SERPINA9: variants seen among roughly 807,000 people sequenced by gnomAD.
SERPINA9 encodes the protein serpin family A member 9.
In SERPINA9, 32 loss-of-function variants were observed where a neutral mutation model predicts 24.5. That is an observed-to-expected ratio of 1.30 (90% CI 0.98 to 1.75). SERPINA9 has a LOEUF of 1.75. SERPINA9 is among the 40% of genes most tolerant of loss of function. The probability of loss-of-function intolerance (pLI) is 0.00; values close to 1 mark genes in which losing one functional copy is unlikely to be tolerated. For synonymous variants in SERPINA9, 233 were observed against 197.7 expected (o/e 1.18, Z -1.50); for missense variants, 594 against 497.1 (o/e 1.19, Z -1.85).
At chr14:94,470,818 G>C (rs1365776901) in intron 1 of SERPINA9, among the ~76,000 whole-genome samples, 2 of 152,164 alleles carry the variant, frequency 1.3e-5, no homozygotes, top group Non-Finnish European at 2.9e-5. Flanking sequence ...GGTCTCCCCA[G>C]CCCTGCCTAC....
intron 1 of SERPINA9, among the ~76,000 whole-genome samples, chr14:94,472,628 G>A (rs962242745): frequency 1.3e-5 from 2 of 152,284 alleles, no homozygotes; most frequent in African/African-American, 4.8e-5. Context: ...AGAGAGACAG[G>A]GTCCTTGTTC....
intron 3 of SERPINA9, 49 bp from the exon 4 acceptor site, chr14:94,464,903 T>C (rs1386981774): frequency 7.3e-6 from 11 of 1,512,058 alleles, no homozygotes; most frequent in Non-Finnish European, 9.0e-6. Context: ...CCATGGTGTC[T>C]GCATCTCTGC....
chr14:94,476,107 C>T (rs566464899), intron 1 of SERPINA9, 29 bp downstream of exon 1: 32 of 1,613,994 alleles, frequency 2.0e-5, no homozygotes, highest in East Asian at 1.3e-4. Flanking sequence ...ACCACATTCC[C>T]GATCTCTCTG....
rs890589645 is a variant in SERPINA9 at position 94,462,877 on chromosome 14, G to T, written c.*216C>A. ...ATCCCATGAAGCTAGTTACCTGGGA[G>T]AATTTGTGGAAAAGGGCACTGACTG... On this transcript the variant is annotated 3_prime_UTR_variant, in exon 5 of 5. Transcript: ENST00000674397. The T allele has an allele frequency of 1.5e-5, 8 of 545,636 alleles. No homozygotes were observed. Among genetic ancestry groups the T allele is most frequent in the Non-Finnish European group, 2.3e-5 (7 of 303,054 alleles). The allele number at this position is 545,636 out of a possible 1,614,324, so 33.8% of individuals were successfully genotyped here.
intron 1 of SERPINA9, among the ~76,000 whole-genome samples, chr14:94,474,527 T>C (rs556771232): frequency 6.6e-6 from 1 of 152,292 alleles, no homozygotes; most frequent in South Asian, 2.1e-4. Flanking sequence ...ATTGCTCTCT[T>C]GGGGGAAAAC....
At position 94,469,990 on chromosome 14, in the gene SERPINA9, A is replaced by G. The variant is rs929883062; in HGVS notation, c.-17-133T>C. 1.2e-5 allele frequency: 9 copies of G among 744,182 alleles called. No homozygotes were observed. The African/African-American group carries it at 1.6e-4, about 13-fold the overall frequency. The allele number at this position is 744,182 out of a possible 1,614,324, so 46.1% of individuals were successfully genotyped here. On this transcript the variant is annotated intron_variant, in intron 1 of 4. Transcript: ENST00000674397. The stretch of plus-strand genomic sequence containing the variant: ...GCCAGTTAGCAGAGCTCTCTCACAT[A>G]ATCTCTGAGCCTCACAATATTCCCA...
At chr14:94,464,321 T>TCTCCA in intron 4 of SERPINA9, 1 of 201,082 alleles carries the variant, frequency 5.0e-6, no homozygotes, top group Non-Finnish European at 9.3e-6. Context: ...CTCTCTCTCC[T>TCTCCA]TACACACTGA....
chr14:94,472,101 T>A (rs949902721), intron 1 of SERPINA9, among the ~76,000 whole-genome samples: 3 of 151,732 alleles, frequency 2.0e-5, no homozygotes, highest in Non-Finnish European at 4.4e-5. Context: ...CTTAAAGAGT[T>A]CTCTGGGAAC....
chr14:94,467,153 C>T lies in SERPINA9; in HGVS notation c.858G>A (p.Leu286=). The change falls in exon 3 of 5, where the codon TTG becomes TTA. Residue 286 remains leucine (L), a synonymous_variant. Transcript: ENST00000674397. ...KGKMRQLEQA[L]SARTLRKWSH... ...TCCACTTTCTCAGTGTTCTGGCTGA[C>T]AAGGCCTGTTCCAGTTGCCTCATCT... The T allele has an allele frequency of 6.2e-7, 1 of 1,614,182 alleles. No homozygotes were observed. Among genetic ancestry groups the T allele is most frequent in the Non-Finnish European group, 8.5e-7 (1 of 1,180,018 alleles).
intron 1 of SERPINA9, among the ~76,000 whole-genome samples, chr14:94,471,623 C>T (rs1899321579): frequency 6.6e-6 from 1 of 152,144 alleles, no homozygotes; most frequent in Non-Finnish European, 1.5e-5. Flanking sequence ...GCCTGTTTGA[C>T]TAAAGTGGAA....
At chr14:94,476,078 T>G in intron 1 of SERPINA9, 58 bp downstream of exon 1, 2 of 1,613,072 alleles carry the variant, frequency 1.2e-6, no homozygotes, top group Non-Finnish European at 1.7e-6. Flanking sequence ...GATCCAGTCC[T>G]TCCCTCTGGC....
rs1898808524 is a variant in SERPINA9 at position 94,462,945 on chromosome 14, G to A, written c.*148C>T. 1.5e-6 allele frequency: 1 copy of A among 672,610 alleles called. No homozygotes were observed. Among genetic ancestry groups the A allele is most frequent in the Non-Finnish European group, 2.6e-6 (1 of 380,230 alleles). The allele number at this position is 672,610 out of a possible 1,614,324, so 41.7% of individuals were successfully genotyped here. On this transcript the variant is annotated 3_prime_UTR_variant, in exon 5 of 5. Transcript: ENST00000674397. ...CTTGTGACTGGGGTCCCTGTTGATG[G>A]TTTGGTGATTGAGCCTTGGAAGTGG...
rs1398277736 is a variant in SERPINA9 at position 94,463,370 on chromosome 14, G to C, written c.1051-74C>G. 3 of 1,387,064 alleles carry C rather than the reference G, an allele frequency of 2.2e-6. No homozygotes were observed. In the South Asian group the frequency reaches 3.6e-5, roughly 17 times the overall value. 85.9% of individuals were successfully genotyped at this position (1,387,064 alleles called of 1,614,324 possible). ...CTTAACTGAGTAAACTAAACTGAGT[G>C]CTTTTGCCCTGGAATGGTGATGTCT... is the stretch of plus-strand genomic sequence containing the variant. On this transcript the variant is annotated intron_variant, in intron 4 of 4. Coordinates refer to ENST00000674397, the MANE Select transcript of SERPINA9 (RefSeq NM_175739.4).
chr14:94,467,129 C>T lies in SERPINA9; in HGVS notation c.882G>A (p.Trp294Ter), dbSNP rs1566791478. Residue 294 changes from tryptophan (W) to a stop codon, truncating the protein, a stop_gained, in exon 3 of 5, where the codon TGG becomes TGA. Coordinates refer to ENST00000674397, the MANE Select transcript of SERPINA9 (RefSeq NM_175739.4). LOFTEE classifies it high-confidence loss of function. ...QALSARTLRKWSHSLQKRWIE... is the reference protein window; with the variant it reads ...QALSARTLRK ...CCCACCTTTTCTGGAGTGAGTGGCT[C>T]CACTTTCTCAGTGTTCTGGCTGACA... is the stretch of plus-strand genomic sequence containing the variant. 1 of 1,614,056 alleles carries T rather than the reference C, an allele frequency of 6.2e-7. No homozygotes were observed.
chr14:94,469,465 T>C lies in SERPINA9; in HGVS notation c.376A>G (p.Lys126Glu), dbSNP rs202245237. 1.9e-6 allele frequency: 3 copies of C among 1,614,204 alleles called. No homozygotes were observed. The highest frequency in any genetic ancestry group is 2.7e-5 in the African/African-American group (2 of 75,044). ...HLVHSLTVPS[K>E]DLTLKMGSAL... ...CTTCCCATCTTCAAGGTCAGGTCTT[T>C]GCTGGGAACAGTCAGTGAGTGAACC... The change falls in exon 2 of 5, where the codon AAA (lysine) becomes GAA (glutamate). Residue 126 changes from lysine (K) to glutamate (E), a missense_variant. Transcript: ENST00000674397.
chr14:94,466,861 C>A (rs897677570), intron 3 of SERPINA9, among the ~76,000 whole-genome samples: 6 of 152,330 alleles, frequency 3.9e-5, no homozygotes, highest in Middle Eastern at 6.8e-3. Flanking sequence ...TGACCTTGGG[C>A]AATTCACTTA....
chr14:94,469,181 A>G, intron 2 of SERPINA9, 32 bp downstream of exon 2: 1 of 1,571,856 alleles, frequency 6.4e-7, no homozygotes, highest in East Asian at 2.2e-5. Flanking sequence ...TCATAAAATA[A>G]ATAAATAAAA....
chr14:94,470,201 T>C, intron 1 of SERPINA9: 1 of 1,032,508 alleles, frequency 9.7e-7, no homozygotes, highest in Non-Finnish European at 1.2e-6. Flanking sequence ...TTTTTAAGAA[T>C]TGAGTATGTG....
Position 94,467,122 on chromosome 14 carries a change from A to C in SERPINA9, c.889T>G (p.Ser297Ala). ...SARTLRKWSH[S>A]LQKRWIEVFI... ...ACAGATGCCCACCTTTTCTGGAGTGAGTGGCTCCACTTTCTCAGTGTTCTG... is the reference window on the plus strand; with the variant it reads ...ACAGATGCCCACCTTTTCTGGAGTGCGTGGCTCCACTTTCTCAGTGTTCTG... The change falls in exon 3 of 5, where the codon TCA (serine) becomes GCA (alanine). Residue 297 changes from serine (S) to alanine (A), a missense_variant. Transcript: ENST00000674397. 1 of 1,613,892 alleles carries C rather than the reference A, an allele frequency of 6.2e-7. No homozygotes were observed.
Sources: allele counts gnomAD v4.1 joint callset (sites outside exome capture counted in the v4.1 genomes callset), GRCh38; gene constraint gnomAD v4.1.1; transcripts MANE v1.5; gene names NCBI Gene and HGNC (gene_info 2026-07-23, HGNC 2026-07-21).